LRFN5: variants seen among roughly 807,000 people sequenced by gnomAD.
LRFN5 encodes the protein leucine rich repeat and fibronectin type III domain containing 5.
A neutral mutation model predicts 45.6 loss-of-function variants in LRFN5; 24 were observed. That is an observed-to-expected ratio of 0.53 (90% confidence interval 0.38 to 0.74). LRFN5 has a LOEUF of 0.74. Ranked by LOEUF, LRFN5 falls within the 30% of genes least tolerant of loss-of-function variation. The pLI is 0.00. For missense variants in LRFN5, 776 were observed against 861.5 expected (o/e 0.90, Z 1.24); for synonymous variants, 340 against 313.8 (o/e 1.08, Z -0.88).
chr14:41,702,357 G>A (rs1233585348), intron 1 of LRFN5, among the ~76,000 whole-genome samples: 1 of 152,120 alleles, frequency 6.6e-6, no homozygotes, highest in East Asian at 1.9e-4. Flanking sequence ...AAATCAATAG[G>A]AAGCCACTGG....
intron 2 of LRFN5, among the ~76,000 whole-genome samples, chr14:41,844,211 G>T (rs1207077096): frequency 2.6e-5 from 4 of 152,138 alleles, no homozygotes; most frequent in African/African-American, 7.2e-5. Context: ...GCCAAGGTGG[G>T]CGGATCACGA....
chr14:41,808,197 G>GGGGAGGAAGGAA (rs1258365960), intron 2 of LRFN5, among the ~76,000 whole-genome samples: 1 of 101,074 alleles, frequency 9.9e-6, no homozygotes, highest in Non-Finnish European at 1.9e-5. Flanking sequence ...AGGAAGTAGA[G>GGGGAGGAAGGAA]GGAAGGAAGG....
intron 1 of LRFN5, among the ~76,000 whole-genome samples, chr14:41,673,101 T>C (rs1203182031): frequency 1.3e-5 from 2 of 152,136 alleles, no homozygotes; most frequent in East Asian, 1.9e-4. Context: ...ATGAAAAGTC[T>C]CCCATGTCTA....
intron 1 of LRFN5, among the ~76,000 whole-genome samples, chr14:41,718,523 T>C (rs1029938190): frequency 6.6e-6 from 1 of 152,214 alleles, no homozygotes; most frequent in Non-Finnish European, 1.5e-5. Context: ...TTACCTATTG[T>C]TCATGTTTTT....
At chr14:41,814,311 A>G (rs1302483907) in intron 2 of LRFN5, among the ~76,000 whole-genome samples, 1 of 152,012 alleles carries the variant, frequency 6.6e-6, no homozygotes, top group African/African-American at 2.4e-5. Context: ...TCTTATTATG[A>G]CCTTATTATT....
intron 2 of LRFN5, among the ~76,000 whole-genome samples, chr14:41,770,054 AC>A (rs200974280): frequency 0.011 from 1,621 of 152,280 alleles, 25 homozygotes; most frequent in African/African-American, 0.037. Context: ...GGGAGCAGGC[AC>A]ATGACATGGA....
At chr14:41,837,502 T>A (rs1383640119) in intron 2 of LRFN5, among the ~76,000 whole-genome samples, 1 of 152,154 alleles carries the variant, frequency 6.6e-6, no homozygotes, top group Non-Finnish European at 1.5e-5. Flanking sequence ...GTGTAAGAAC[T>A]AAATTTTATT....
intron 2 of LRFN5, among the ~76,000 whole-genome samples, chr14:41,844,330 G>A (rs1044118670): frequency 6.6e-5 from 10 of 151,728 alleles, no homozygotes; most frequent in East Asian, 5.8e-4. Context: ...CCAGCTACTC[G>A]GGAGGCTGAG....
At chr14:41,872,900 G>A (rs768576031) in intron 2 of LRFN5, among the ~76,000 whole-genome samples, 11 of 152,098 alleles carry the variant, frequency 7.2e-5, no homozygotes, top group Non-Finnish European at 1.2e-4. Context: ...ACAGATATGC[G>A]TATAGATTTG....
chr14:41,755,134 T>G, intron 1 of LRFN5, among the ~76,000 whole-genome samples: 1 of 152,174 alleles, frequency 6.6e-6, no homozygotes. Context: ...GCGAGACAGT[T>G]TGTTATAATT....
chr14:41,839,410 G>C (rs1408438684), intron 2 of LRFN5, among the ~76,000 whole-genome samples: 4 of 152,070 alleles, frequency 2.6e-5, no homozygotes, highest in Admixed American at 1.3e-4. Flanking sequence ...CCTTAAGATA[G>C]TATAATAACA....
At chr14:41,691,156 T>A (rs143570966) in intron 1 of LRFN5, among the ~76,000 whole-genome samples, 48 of 152,226 alleles carry the variant, frequency 3.2e-4, no homozygotes, top group African/African-American at 1.1e-3. Flanking sequence ...TCTGCCTCAT[T>A]TTAGGCTTAA....
At chr14:41,881,377 C>A (rs1019283074) in intron 2 of LRFN5, among the ~76,000 whole-genome samples, 12 of 151,168 alleles carry the variant, frequency 7.9e-5, no homozygotes, top group Non-Finnish European at 1.3e-4. Flanking sequence ...TTCTTTTGAC[C>A]TTAATTATGA....
At position 41,904,202 on chromosome 14, in the gene LRFN5, GA is replaced by G. The variant is rs1891185726; in HGVS notation, c.*33del. On this transcript the variant is annotated 3_prime_UTR_variant, in exon 6 of 6. Transcript: ENST00000298119. ...GAGCACCACTTCTCCTCTCTCTCCT[GA>G]AAAAATTTGCCACTGATATTTTTAC... 1.2e-6 allele frequency: 2 copies of G among 1,608,274 alleles called. No homozygotes were observed.
intron 2 of LRFN5, among the ~76,000 whole-genome samples, chr14:41,836,463 C>G (rs1271355799): frequency 3.3e-5 from 5 of 151,946 alleles, no homozygotes; most frequent in Admixed American, 6.6e-5. Flanking sequence ...TGCATGTGTA[C>G]TTATGTGTCT....
At chr14:41,622,411 A>C (rs1183094466) in intron 1 of LRFN5, among the ~76,000 whole-genome samples, 1 of 152,072 alleles carries the variant, frequency 6.6e-6, no homozygotes, top group East Asian at 1.9e-4. Context: ...TCACAACTGC[A>C]ATATTTGTAT....
At chr14:41,895,377 A>G (rs897876581) in intron 4 of LRFN5, among the ~76,000 whole-genome samples, 1 of 152,162 alleles carries the variant, frequency 6.6e-6, no homozygotes, top group Non-Finnish European at 1.5e-5. Context: ...TAATCCCAGC[A>G]CTCTGGGGGC....
intron 2 of LRFN5, among the ~76,000 whole-genome samples, chr14:41,822,459 T>C (rs555307766): frequency 5.3e-5 from 8 of 152,164 alleles, no homozygotes; most frequent in African/African-American, 1.9e-4. Context: ...GTAGTTTTGA[T>C]TGTTTCTCTT....
At chr14:41,819,047 A>T (rs1888021587) in intron 2 of LRFN5, among the ~76,000 whole-genome samples, 1 of 152,192 alleles carries the variant, frequency 6.6e-6, no homozygotes, top group Admixed American at 6.6e-5. Context: ...AGTTCTGTCC[A>T]TATTGCTGCA....
Sources: gnomAD v4.1 joint callset for allele counts (sites outside exome capture counted in the v4.1 genomes callset) on GRCh38, gnomAD v4.1.1 for gene constraint, MANE v1.5 for transcripts, NCBI Gene and HGNC (gene_info 2026-07-23, HGNC 2026-07-21) for gene names.